The following ATP11C variants were observed in gnomAD, a reference collection of about 807,000 sequenced individuals.
ATP11C encodes ATPase phospholipid transporting 11C (ATP11C blood group).
ATP11C carries 36 observed loss-of-function variants against 97.4 expected under a neutral mutation model. The ratio of observed to expected loss-of-function variants is 0.37; its 90% CI spans 0.28 to 0.49. The LOEUF (loss-of-function observed/expected upper bound fraction) is 0.49, where lower values mean the gene tolerates loss of function less well. ATP11C is among the 20% of genes least tolerant of loss of function. The pLI, the probability that ATP11C is intolerant of heterozygous loss-of-function variation, is 0.98. For missense variants in ATP11C, 730 were observed against 824.6 expected (o/e 0.89, Z 1.40); for synonymous variants, 275 against 290.9 (o/e 0.95, Z 0.56).
Position 139,747,199 on chromosome X carries a change from G to C in ATP11C, c.2829-1342C>G, listed in dbSNP as rs185158120. Among the ~76,000 whole-genome samples the C allele has an allele frequency of 5.1e-3, 570 of 111,903 alleles. 8 individuals are homozygous for C. Among genetic ancestry groups the C allele is most frequent in the African/African-American group, 0.017 (521 of 30,778 alleles). On this transcript the variant is annotated intron_variant, in intron 24 of 29. Coordinates refer to ENST00000682941, the MANE Select transcript of ATP11C (RefSeq NM_001353812.2). ...ACCTCCGTAAAGATCCTTGCAGGCA[G>C]TGCCCAACAACTGCCAGCCAATGTG...
At chrX:139,743,687 A>AT (rs1480167114) in intron 25 of ATP11C, 63 bp from the exon 26 acceptor site, 2 of 738,262 alleles carry the variant, frequency 2.7e-6, no homozygotes, top group South Asian at 3.8e-5. Flanking sequence ...GTATTTTTTC[A>AT]TTTAAAAAAA....
chrX:139,750,541 C>G (rs1463545044), intron 23 of ATP11C, among the ~76,000 whole-genome samples: 2 of 111,878 alleles, frequency 1.8e-5, no homozygotes, highest in Non-Finnish European at 1.9e-5. Flanking sequence ...CAGCAGCCAG[C>G]CTGTGTCACA....
chrX:139,738,397 A>G (rs988667417), intron 27 of ATP11C, among the ~76,000 whole-genome samples: 53 of 112,103 alleles, frequency 4.7e-4, no homozygotes, highest in African/African-American at 1.6e-3. Flanking sequence ...GAAATGGTTC[A>G]TTTTTATCCT....
In ATP11C at chrX:139,819,681, C is replaced by T. The variant is rs189091415; in HGVS notation, c.148-254G>A. On this transcript the variant is annotated intron_variant, in intron 2 of 29. Transcript: ENST00000682941. ...TCTCATACCTTTGCTTTCTCTGACCCAATCTAAATTAGGTTCCTTGTTATG... is the reference window on the plus strand; with the variant it reads ...TCTCATACCTTTGCTTTCTCTGACCTAATCTAAATTAGGTTCCTTGTTATG... Among the ~76,000 whole-genome samples, 8 of 112,416 alleles carry T rather than the reference C, an allele frequency of 7.1e-5. No individual in the cohort carries two copies. The East Asian group carries it at 2.0e-3, about 27-fold the overall frequency.
At chrX:139,808,720 T>C (rs2083100358) in intron 5 of ATP11C, among the ~76,000 whole-genome samples, 1 of 112,502 alleles carries the variant, frequency 8.9e-6, no homozygotes, top group Non-Finnish European at 1.9e-5. Flanking sequence ...AAGCTCTTCA[T>C]GGATAAAAAA....
Position 139,741,709 on chromosome X carries a change from T to A in ATP11C, c.3031-615A>T, listed in dbSNP as rs896056242. ...CTAGTCCATTAAATTAATAAAATAT[T>A]CAGTTAGATTTTAATCTCTTCATGT... is the stretch of plus-strand genomic sequence containing the variant. On this transcript the variant is annotated intron_variant, in intron 26 of 29. Coordinates refer to ENST00000682941, the MANE Select transcript of ATP11C (RefSeq NM_001353812.2). 2.7e-5 allele frequency among the ~76,000 whole-genome samples: 3 copies of A among 111,850 alleles called. No homozygotes were observed. The Admixed American group carries it at 2.8e-4, about 11-fold the overall frequency.
At position 139,814,926 on chromosome X, in the gene ATP11C, G is replaced by A. The variant is rs2083254507; in HGVS notation, c.378C>T (p.Tyr126=). The stretch of plus-strand genomic sequence containing the variant: ...TCACTCGCTTTGCATTTTCAATAAT[G>A]TAAACAGTGCTTTTGTTGACTTCAT... ...ADNEVNKSTV[Y]IIENAKRVRK... The change falls in exon 5 of 30, where the codon TAC becomes TAT. Residue 126 remains tyrosine, a synonymous_variant. Coordinates refer to ENST00000682941, the MANE Select transcript of ATP11C (RefSeq NM_001353812.2). 3 of 1,188,646 alleles carry A rather than the reference G, an allele frequency of 2.5e-6. No individual in the cohort carries two copies. The African/African-American group carries it at 5.3e-5, about 21-fold the overall frequency.
At chrX:139,730,213 G>A (rs1240265983) in intron 29 of ATP11C, among the ~76,000 whole-genome samples, 3 of 111,456 alleles carry the variant, frequency 2.7e-5, no homozygotes, top group Non-Finnish European at 5.7e-5. Context: ...TAAGGCCCTG[G>A]AGAGGCCAAA....
intron 1 of ATP11C, among the ~76,000 whole-genome samples, chrX:139,915,672 G>T (rs1041395456): frequency 9.2e-6 from 1 of 109,148 alleles, no homozygotes; most frequent in Non-Finnish European, 1.9e-5. Flanking sequence ...AAAAGAAAAA[G>T]AAAAAGAAAA....
At position 139,814,936 on chromosome X, in the gene ATP11C, C is replaced by T; in HGVS notation, c.368G>A (p.Ser123Asn). 2 of 1,182,228 alleles carry T rather than the reference C, an allele frequency of 1.7e-6. No homozygotes were observed. Among genetic ancestry groups the T allele is most frequent in the East Asian group, 3.0e-5 (1 of 32,912 alleles). Residue 123 changes from serine (S) to asparagine (N), a missense_variant, in exon 5 of 30, where the codon AGC becomes AAC. By Grantham distance (46) the Ser-to-Asn change is conservative (BLOSUM62 1). Coordinates refer to ENST00000682941, the MANE Select transcript of ATP11C (RefSeq NM_001353812.2). ...TGCATTTTCAATAATGTAAACAGTG[C>T]TTTTGTTGACTTCATTGTCAGCTCT... ...RHRADNEVNKSTVYIIENAKR... is the reference protein window; with the variant it reads ...RHRADNEVNKNTVYIIENAKR...
At chrX:139,886,678 G>A (rs182246816) in intron 1 of ATP11C, among the ~76,000 whole-genome samples, 3 of 109,755 alleles carry the variant, frequency 2.7e-5, no homozygotes, top group Non-Finnish European at 5.7e-5. Flanking sequence ...AGATTTGTAC[G>A]TTGAAAAGTA....
rs762682381 is a variant in ATP11C, at chrX:139,822,704, G to A, written c.148-3277C>T. 2.5e-3 allele frequency among the ~76,000 whole-genome samples: 270 copies of A among 108,865 alleles called. 1 individual carries two copies. Among genetic ancestry groups the A allele is most frequent in the Non-Finnish European group, 3.8e-3 (201 of 52,338 alleles). 94.5% of individuals were successfully genotyped at this position (108,865 alleles called of 115,157 possible). On this transcript the variant is annotated intron_variant, in intron 2 of 29. Coordinates refer to ENST00000682941, the MANE Select transcript of ATP11C (RefSeq NM_001353812.2). ...GCTGGGATTACAGGCGTGAGCCACC[G>A]CGCCTGGCCAATTTTTGTATTTTTT... is the stretch of plus-strand genomic sequence containing the variant.
Position 139,774,811 on chromosome X carries a change from C to G in ATP11C, c.2095G>C (p.Glu699Gln). The change falls in exon 19 of 30, where the codon GAA (glutamate) becomes CAA (glutamine). Residue 699 changes from glutamate to glutamine, a missense_variant. By Grantham distance (29) the Glu-to-Gln change is conservative. Transcript: ENST00000682941. ...RLFQTNTELL[E>Q]LTTKTIEESE... ...TCTTCAATGGTTTTTGTGGTTAGTT[C>G]TAAGAGCTCAGTGTTGGTCTGGAAA... 1 of 1,211,797 alleles carries G rather than the reference C, an allele frequency of 8.3e-7. No individual in the cohort carries two copies. The highest frequency in any genetic ancestry group is 1.7e-5 in the African/African-American group (1 of 57,752).
intron 1 of ATP11C, among the ~76,000 whole-genome samples, chrX:139,905,175 T>G (rs2084955517): frequency 8.9e-6 from 1 of 112,181 alleles, no homozygotes; most frequent in African/African-American, 3.2e-5. Flanking sequence ...TGAATTGAAT[T>G]TTTCCCTATG....
chrX:139,756,468 T>A (rs1426817832), intron 23 of ATP11C, among the ~76,000 whole-genome samples: 1 of 111,748 alleles, frequency 8.9e-6, no homozygotes, highest in Admixed American at 9.5e-5. Flanking sequence ...AGCAATCCCA[T>A]TACTGGGTAT....
At chrX:139,920,350 C>CAA (rs765081033) in intron 1 of ATP11C, among the ~76,000 whole-genome samples, 6 of 56,777 alleles carry the variant, frequency 1.1e-4, no homozygotes, top group Non-Finnish European at 3.5e-5. Flanking sequence ...GACTCCACCT[C>CAA]AAAAAAAAAA....
chrX:139,825,466 A>G (rs1440658738), intron 2 of ATP11C, among the ~76,000 whole-genome samples: 1 of 112,055 alleles, frequency 8.9e-6, no homozygotes, highest in Non-Finnish European at 1.9e-5. Flanking sequence ...TATTTTAGGC[A>G]TAAGTATGTC....
chrX:139,838,419 AAAAG>A (rs1188768769), intron 1 of ATP11C, among the ~76,000 whole-genome samples: 1 of 112,071 alleles, frequency 8.9e-6, no homozygotes, highest in Non-Finnish European at 1.9e-5. Context: ...AAGAAAAAAA[AAAAG>A]AAAATAACAA....
intron 25 of ATP11C, 79 bp downstream of exon 25, chrX:139,745,643 T>C: frequency 9.4e-7 from 1 of 1,064,014 alleles, no homozygotes; most frequent in Non-Finnish European, 1.3e-6. Context: ...AGAGTATGTA[T>C]ATGACAAATC....
Sources: gnomAD v4.1 joint callset for allele counts (sites outside exome capture counted in the v4.1 genomes callset) on GRCh38, gnomAD v4.1.1 for gene constraint, MANE v1.5 for transcripts, NCBI Gene and HGNC (gene_info 2026-07-23, HGNC 2026-07-21) for gene names.